ZBTB20: variants seen among roughly 807,000 people sequenced by gnomAD.
The protein encoded by ZBTB20 is zinc finger and BTB domain containing 20.
A neutral mutation model predicts 56.9 loss-of-function variants in ZBTB20; 9 were observed. The ratio of observed to expected loss-of-function variants is 0.16; its 90% CI spans 0.10 to 0.28. The LOEUF is 0.28. Among genes scored for constraint, ZBTB20 ranks in the 10% least tolerant of loss-of-function variants. ZBTB20 has a pLI of 1.00. For missense variants in ZBTB20, 655 were observed against 1,003.0 expected, an observed-to-expected ratio of 0.65 and a Z score of 4.69; for synonymous variants, 417 against 420.7, an observed-to-expected ratio of 0.99 and a Z score of 0.11.
chr3:114,358,640 C>T (rs1481064747), intron 10 of ZBTB20, among the ~76,000 whole-genome samples: 1 of 152,116 alleles, frequency 6.6e-6, no homozygotes, highest in Non-Finnish European at 1.5e-5. Context: ...GCATGCCTAT[C>T]CATATTGTAA....
At chr3:115,030,110 T>C (rs901265651) in intron 2 of ZBTB20, among the ~76,000 whole-genome samples, 1 of 151,128 alleles carries the variant, frequency 6.6e-6, no homozygotes, top group African/African-American at 2.4e-5. Context: ...AAACAGTACA[T>C]ACATTATTAT....
intron 4 of ZBTB20, among the ~76,000 whole-genome samples, chr3:114,844,330 A>ATAT (rs2074542977): frequency 1.0e-5 from 1 of 99,302 alleles, no homozygotes; most frequent in African/African-American, 6.0e-5. Flanking sequence ...TACTGGAGTA[A>ATAT]ATATATATAT....
At chr3:114,890,408 C>T (rs1309497846) in intron 4 of ZBTB20, among the ~76,000 whole-genome samples, 1 of 152,128 alleles carries the variant, frequency 6.6e-6, no homozygotes, top group Non-Finnish European at 1.5e-5. Context: ...CCTACAGAAA[C>T]ACATGGGAGA....
chr3:114,938,702 T>C (rs2076630916), intron 3 of ZBTB20, among the ~76,000 whole-genome samples: 1 of 145,350 alleles, frequency 6.9e-6, no homozygotes, highest in Admixed American at 6.6e-5. Context: ...GGGATAGCAT[T>C]AGGAGAAATA....
rs140155668 is a variant in ZBTB20, at chr3:114,971,001, C to T, written c.-456+3365G>A. Among the ~76,000 whole-genome samples the T allele has an allele frequency of 4.0e-3, 578 of 145,530 alleles. 4 individuals carry two copies. Among genetic ancestry groups the T allele is most frequent in the African/African-American group, 0.014 (524 of 37,720 alleles). ...CTGCACTCCAGCCTGGGCAACAGAG[C>T]GAGACTCCGTCAAAAAAAAAAAAAA... is the stretch of plus-strand genomic sequence containing the variant. On this transcript the variant is annotated intron_variant, in intron 3 of 11. Coordinates refer to ENST00000675478, the MANE Select transcript of ZBTB20 (RefSeq NM_001348800.3).
At chr3:115,078,897 G>A (rs947198317) in intron 1 of ZBTB20, among the ~76,000 whole-genome samples, 1 of 151,998 alleles carries the variant, frequency 6.6e-6, no homozygotes, top group Non-Finnish European at 1.5e-5. Context: ...TGTATCAAGT[G>A]AATTAAAAGA....
intron 6 of ZBTB20, among the ~76,000 whole-genome samples, chr3:114,560,663 C>T (rs73224513): frequency 6.6e-6 from 1 of 152,126 alleles, no homozygotes; most frequent in Admixed American, 6.5e-5. Flanking sequence ...AAAGTGCTCA[C>T]CACCCTCTGA....
intron 1 of ZBTB20, among the ~76,000 whole-genome samples, chr3:115,086,462 T>A (rs2082988808): frequency 6.6e-6 from 1 of 151,820 alleles, no homozygotes; most frequent in African/African-American, 2.4e-5. Flanking sequence ...ATTCTAACAA[T>A]TAGCCTGCAT....
chr3:114,538,648 T>C (rs1318800935), intron 6 of ZBTB20, among the ~76,000 whole-genome samples: 1 of 152,180 alleles, frequency 6.6e-6, no homozygotes, highest in African/African-American at 2.4e-5. Flanking sequence ...AAGTGCAAGA[T>C]ACACATGTTT....
At chr3:114,992,030 CT>C (rs901438840) in intron 2 of ZBTB20, among the ~76,000 whole-genome samples, 36 of 151,236 alleles carry the variant, frequency 2.4e-4, no homozygotes, top group African/African-American at 6.3e-4. Context: ...CTCTCCTAAA[CT>C]TTTTTTTTGT....
chr3:114,879,582 G>A (rs1287810269), intron 4 of ZBTB20, among the ~76,000 whole-genome samples: 1 of 152,022 alleles, frequency 6.6e-6, no homozygotes, highest in Non-Finnish European at 1.5e-5. Context: ...TGAGACTACC[G>A]CCTCCTGAGT....
chr3:114,987,965 T>C (rs1186406571), intron 2 of ZBTB20, among the ~76,000 whole-genome samples: 1 of 152,130 alleles, frequency 6.6e-6, no homozygotes, highest in Non-Finnish European at 1.5e-5. Context: ...GTAAGTCTTG[T>C]CTAGGTACAA....
chr3:114,984,107 T>A (rs993641584), intron 2 of ZBTB20, among the ~76,000 whole-genome samples: 1 of 151,996 alleles, frequency 6.6e-6, no homozygotes, highest in Non-Finnish European at 1.5e-5. Context: ...TCCCACATCA[T>A]AATCCAGTCC....
chr3:115,124,249 T>C (rs2084261817), intron 1 of ZBTB20, among the ~76,000 whole-genome samples: 1 of 152,158 alleles, frequency 6.6e-6, no homozygotes, highest in African/African-American at 2.4e-5. Context: ...CAACTTAGAG[T>C]CTTAAATATA....
At chr3:114,547,630 G>A (rs1401787724) in intron 6 of ZBTB20, among the ~76,000 whole-genome samples, 2 of 152,182 alleles carry the variant, frequency 1.3e-5, no homozygotes, top group Non-Finnish European at 2.9e-5. Context: ...GCATGTGAAT[G>A]CATGTGTGTT....
intron 5 of ZBTB20, among the ~76,000 whole-genome samples, chr3:114,799,671 T>C (rs1440037378): frequency 1.3e-5 from 2 of 151,964 alleles, no homozygotes; most frequent in African/African-American, 4.8e-5. Flanking sequence ...GACCTTACTG[T>C]CTGTGGGTTT....
intron 2 of ZBTB20, among the ~76,000 whole-genome samples, chr3:115,012,954 G>A (rs902962135): frequency 6.6e-6 from 1 of 151,740 alleles, no homozygotes; most frequent in Non-Finnish European, 1.5e-5. Flanking sequence ...TAAACAATAT[G>A]TTCCAGAATG....
At chr3:114,383,419 A>T (rs921617088) in intron 8 of ZBTB20, among the ~76,000 whole-genome samples, 5 of 152,154 alleles carry the variant, frequency 3.3e-5, no homozygotes, top group African/African-American at 9.7e-5. Flanking sequence ...CTTCATATCA[A>T]TGCCCTTGTT....
chr3:114,564,743 C>A (rs910861599), intron 6 of ZBTB20, among the ~76,000 whole-genome samples: 1 of 152,208 alleles, frequency 6.6e-6, no homozygotes, highest in South Asian at 2.1e-4. Flanking sequence ...AAAAGGCACA[C>A]GTGTTTAGCT....
Sources: allele counts gnomAD v4.1 joint callset (sites outside exome capture counted in the v4.1 genomes callset), GRCh38; gene constraint gnomAD v4.1.1; transcripts MANE v1.5; gene names NCBI Gene and HGNC (gene_info 2026-07-23, HGNC 2026-07-21).